Variants in CHRNA9 observed in about 807,000 individuals in gnomAD.
The protein encoded by CHRNA9 is neuronal acetylcholine receptor subunit alpha-9.
CHRNA9 carries 24 observed loss-of-function variants against 36.8 expected under a neutral mutation model. The ratio of observed to expected loss-of-function variants is 0.65; its 90% CI spans 0.47 to 0.92. CHRNA9 has a LOEUF of 0.92. Ranked by LOEUF, CHRNA9 falls within the 40% of genes least tolerant of loss-of-function variation. The pLI is 0.00. For synonymous variants in CHRNA9, 231 were observed against 231.8 expected (o/e 1.00, Z 0.03); for missense variants, 610 against 601.2 (o/e 1.01, Z -0.15).
chr4:40,353,490 C>CAAA (rs201421126), intron 4 of CHRNA9, among the ~76,000 whole-genome samples: 1 of 104,986 alleles, frequency 9.5e-6, no homozygotes, highest in Non-Finnish European at 2.0e-5. Flanking sequence ...GACTCTGTCT[C>CAAA]AAAAAAAAAA....
At chr4:40,338,251 G>A (rs1010427949) in intron 3 of CHRNA9, 1 of 152,310 alleles carries the variant, frequency 6.6e-6, no homozygotes, top group East Asian at 1.9e-4. Flanking sequence ...GGTAGGTAAA[G>A]TTTATGTTTC....
intron 3 of CHRNA9, among the ~76,000 whole-genome samples, chr4:40,346,562 A>G (rs1216587916): frequency 6.6e-6 from 1 of 152,120 alleles, no homozygotes; most frequent in Non-Finnish European, 1.5e-5. Context: ...TCTAATTCTC[A>G]CTTCTCAGAT....
chr4:40,342,816 G>C (rs909685147), intron 3 of CHRNA9, among the ~76,000 whole-genome samples: 2 of 152,044 alleles, frequency 1.3e-5, no homozygotes, highest in Non-Finnish European at 2.9e-5. Context: ...AACAGAGTTG[G>C]AAAGTGGCTA....
Position 40,349,399 on chromosome 4 carries a change from A to C in CHRNA9, c.883A>C (p.Asn295His). 1 of 1,613,294 alleles carries C rather than the reference A, an allele frequency of 6.2e-7. No individual in the cohort carries two copies. The stretch of plus-strand genomic sequence containing the variant: ...GGCAGAAATCATGCCGGCCTCAGAA[A>C]ATGTGCCCCTGATAGGTGAGTCCAA... ...MVAEIMPASE[N>H]VPLIGKYYIA... Residue 295 changes from asparagine to histidine, a missense_variant, in exon 4 of 5, where the codon AAT becomes CAT. By Grantham distance (68) the Asn-to-His change is moderately conservative. Coordinates refer to ENST00000310169, the MANE Select transcript of CHRNA9 (RefSeq NM_017581.4).
In CHRNA9 at chr4:40,349,225, T is replaced by TCCTC. The variant is rs751230754; in HGVS notation, c.710_713dup (p.Phe239LeufsTer64). ...ATTCACCCTCCTTCTGAAGAGGAGG[T>TCCTC]CCTCGTTCTATATCGTCAACCTCCT... On this transcript the variant is annotated frameshift_variant, in exon 4 of 5. Transcript: ENST00000310169. LOFTEE classifies it high-confidence loss of function. 2 of 1,613,882 alleles carry TCCTC rather than the reference T, an allele frequency of 1.2e-6. No homozygotes were observed. The highest frequency in any genetic ancestry group is 2.2e-5 in the South Asian group (2 of 91,058).
At chr4:40,342,623 G>T (rs150218098) in intron 3 of CHRNA9, among the ~76,000 whole-genome samples, 20 of 152,266 alleles carry the variant, frequency 1.3e-4, no homozygotes, top group African/African-American at 2.9e-4. Flanking sequence ...AGACTTAGGA[G>T]AAGTCTTGAG....
In CHRNA9 at chr4:40,335,973, G is replaced by A. The variant is rs771777799; in HGVS notation, c.210+1G>A. 2 of 1,611,436 alleles carry A rather than the reference G, an allele frequency of 1.2e-6. No homozygotes were observed. The highest frequency in any genetic ancestry group is 1.7e-5 in the Admixed American group (1 of 59,972). On this transcript the variant is annotated splice_donor_variant, in intron 2 of 4. Transcript: ENST00000310169. LOFTEE classifies it high-confidence loss of function. Reference sequence around the variant, plus strand: ...TACGCTCTCTCAGATTAAGGATATGGTGAGTAACACATGGTGCTGACTCTG... The same window carrying A: ...TACGCTCTCTCAGATTAAGGATATGATGAGTAACACATGGTGCTGACTCTG...
At position 40,354,464 on chromosome 4, in the gene CHRNA9, A is replaced by C; in HGVS notation, c.1384A>C (p.Ile462Leu). The C allele has an allele frequency of 6.2e-7, 1 of 1,613,994 alleles. No individual in the cohort carries two copies. Among genetic ancestry groups the C allele is most frequent in the Non-Finnish European group, 8.5e-7 (1 of 1,179,940 alleles). The change falls in exon 5 of 5, where the codon ATT becomes CTT. Residue 462 changes from isoleucine (I) to leucine (L), a missense_variant. Physicochemically the swap from Ile to Leu is conservative, Grantham distance 5. Coordinates refer to ENST00000310169, the MANE Select transcript of CHRNA9 (RefSeq NM_017581.4). ...AGTCATAGACCGATTCTTCATGTGG[A>C]TTTTTTTCATTATGGTGTTTGTGAT... is the stretch of plus-strand genomic sequence containing the variant. The part of the protein sequence containing the change: ...AKVIDRFFMW[I>L]FFIMVFVMTI...
chr4:40,347,988 T>C (rs187413245), intron 3 of CHRNA9: 1 of 152,310 alleles, frequency 6.6e-6, no homozygotes, highest in African/African-American at 2.4e-5. Context: ...TCTCATTGAA[T>C]TAAAGGAAAA....
In CHRNA9 at chr4:40,349,426, T is replaced by A. The variant is rs369171822; in HGVS notation, c.898+12T>A. The A allele has an allele frequency of 5.0e-6, 8 of 1,604,352 alleles. No individual in the cohort carries two copies. The highest frequency in any genetic ancestry group is 6.8e-6 in the Non-Finnish European group (8 of 1,174,420). The stretch of plus-strand genomic sequence containing the variant: ...TGTGCCCCTGATAGGTGAGTCCAAG[T>A]GTCTTCCACTTCAAGCCCAGCTTTG... On this transcript the variant is annotated intron_variant, in intron 4 of 4. Transcript: ENST00000310169.
At chr4:40,335,713 C>A in intron 1 of CHRNA9, 114 bp from the exon 2 acceptor site, 1 of 1,156,090 alleles carries the variant, frequency 8.6e-7, no homozygotes, top group Non-Finnish European at 1.3e-6. Context: ...CCACCCAAAG[C>A]TTGTCCCTCG....
At chr4:40,343,877 T>A (rs1712566328) in intron 3 of CHRNA9, among the ~76,000 whole-genome samples, 1 of 152,188 alleles carries the variant, frequency 6.6e-6, no homozygotes, top group Admixed American at 6.5e-5. Context: ...CTTAAAGATG[T>A]CCACATCCTA....
In CHRNA9 at chr4:40,354,146, G is replaced by A; in HGVS notation, c.1066G>A (p.Glu356Lys). Reference protein sequence around the residue: ...SRVLFVYDVGESCLSPHHSRE... With the variant: ...SRVLFVYDVGKSCLSPHHSRE... The stretch of plus-strand genomic sequence containing the variant: ...GGTCTTGTTTGTCTATGATGTGGGT[G>A]AAAGCTGCCTCAGCCCGCACCACAG... The change falls in exon 5 of 5, where the codon GAA (glutamate) becomes AAA (lysine). Residue 356 changes from glutamate (E) to lysine (K), a missense_variant. Transcript: ENST00000310169. 14 of 1,614,168 alleles carry A rather than the reference G, an allele frequency of 8.7e-6. No homozygotes were observed. The highest frequency in any genetic ancestry group is 1.2e-5 in the Non-Finnish European group (14 of 1,180,010).
At position 40,344,825 on chromosome 4, in the gene CHRNA9, A is replaced by G. The variant is rs559808880; in HGVS notation, c.366-4057A>G. Reference sequence around the variant, plus strand: ...CTATATATGTAAAAACTATAGTGCAAGGTAAAAATGCAAGTCCCTTATAAC... The same window carrying G: ...CTATATATGTAAAAACTATAGTGCAGGGTAAAAATGCAAGTCCCTTATAAC... On this transcript the variant is annotated intron_variant, in intron 3 of 4. Transcript: ENST00000310169. 4.6e-5 allele frequency among the ~76,000 whole-genome samples: 7 copies of G among 152,338 alleles called. No individual in the cohort carries two copies. The South Asian group carries it at 1.4e-3, about 32-fold the overall frequency.
chr4:40,341,020 T>A (rs12509596), intron 3 of CHRNA9, among the ~76,000 whole-genome samples: 66,927 of 144,372 alleles, frequency 0.46, 16,638 homozygotes, highest in East Asian at 0.83. Flanking sequence ...ACTTCGGCAA[T>A]GAATTGTCCC....
chr4:40,340,101 T>C (rs1712456749), intron 3 of CHRNA9, among the ~76,000 whole-genome samples: 2 of 152,332 alleles, frequency 1.3e-5, no homozygotes, highest in South Asian at 4.1e-4. Flanking sequence ...CAAGGCATCC[T>C]AAGTTAAGCT....
At chr4:40,340,287 T>C (rs1712462125) in intron 3 of CHRNA9, among the ~76,000 whole-genome samples, 1 of 152,202 alleles carries the variant, frequency 6.6e-6, no homozygotes, top group African/African-American at 2.4e-5. Flanking sequence ...GTTGACTCTT[T>C]AGTCATCTCT....
intron 3 of CHRNA9, among the ~76,000 whole-genome samples, chr4:40,346,960 G>A (rs1199099425): frequency 2.0e-5 from 3 of 151,860 alleles, no homozygotes; most frequent in Non-Finnish European, 2.9e-5. Context: ...ACAGGTGCGC[G>A]CCACCACGCC....
chr4:40,335,411 G>A lies in CHRNA9; in HGVS notation c.-57G>A. 2 of 1,277,362 alleles carry A rather than the reference G, an allele frequency of 1.6e-6. No homozygotes were observed. Among genetic ancestry groups the A allele is most frequent in the East Asian group, 2.3e-5 (1 of 43,466 alleles). 79.1% of individuals were successfully genotyped at this position (1,277,362 alleles called of 1,614,324 possible). A position where few individuals can be genotyped will look rare whatever the true frequency, so the allele number is the denominator to read the frequency against. ...GCCCAGATCCTTTGTATTCATAGGG[G>A]GAAGTGGAAGACCACGCTGCCTGAC... On this transcript the variant is annotated 5_prime_UTR_variant, in exon 1 of 5. Transcript: ENST00000310169.
Sources: gnomAD v4.1 joint callset for allele counts (sites outside exome capture counted in the v4.1 genomes callset) on GRCh38, gnomAD v4.1.1 for gene constraint, MANE v1.5 for transcripts, NCBI Gene and HGNC (gene_info 2026-07-23, HGNC 2026-07-21) for gene names.